ANKRD33B: variants seen among roughly 807,000 people sequenced by gnomAD.
The protein encoded by ANKRD33B is ankyrin repeat domain 33B.
Under a neutral mutation model 21.5 loss-of-function variants are expected in ANKRD33B, and 6 were observed. The ratio of observed to expected loss-of-function variants is 0.28; its 90% CI spans 0.15 to 0.55. The LOEUF is 0.55. ANKRD33B is among the 20% of genes least tolerant of loss of function. The pLI is 0.94. For synonymous variants in ANKRD33B, 347 were observed against 342.4 expected (o/e 1.01, Z -0.15); for missense variants, 698 against 747.2 (o/e 0.93, Z 0.77).
rs115414273 is a variant in ANKRD33B at position 10,582,427 on chromosome 5, T to C, written c.366+17594T>C. Among the ~76,000 whole-genome samples the C allele has an allele frequency of 8.0e-3, 1,215 of 152,306 alleles. 19 individuals are homozygous for C. The highest frequency in any genetic ancestry group is 0.027 in the African/African-American group (1,139 of 41,568). On this transcript the variant is annotated intron_variant, in intron 1 of 3. Coordinates refer to ENST00000296657, the MANE Select transcript of ANKRD33B (RefSeq NM_001164440.2). The stretch of plus-strand genomic sequence containing the variant: ...TGTCCACCATGATGGTCTCCCACAT[T>C]TCACTGGGGTCTCACTTAAGCAAGT...
chr5:10,649,514 G>T lies in ANKRD33B; in HGVS notation c.886G>T (p.Val296Leu), dbSNP rs1365510124. ...GCTGTCCGTGCTGACGCCGCGCTCC[G>T]TGCGGGGCCCGGAGGACGGGGGCGT... ...CVLSVLTPRS[V>L]RGPEDGGVLD... The change falls in exon 4 of 4, where the codon GTG (valine) becomes TTG (leucine). Residue 296 changes from valine to leucine, a missense_variant. Transcript: ENST00000296657. 1.3e-6 allele frequency: 2 copies of T among 1,534,110 alleles called. No homozygotes were observed. Among genetic ancestry groups the T allele is most frequent in the Non-Finnish European group, 1.7e-6 (2 of 1,145,786 alleles).
chr5:10,581,330 C>T lies in ANKRD33B; in HGVS notation c.366+16497C>T, dbSNP rs191796271. Among the ~76,000 whole-genome samples, 34 of 152,378 alleles carry T rather than the reference C, an allele frequency of 2.2e-4. No individual in the cohort carries two copies. The East Asian group carries it at 2.9e-3, about 13-fold the overall frequency. ...GTCTCAGATTCCCTTGGCCCCCTGC[C>T]TTTCAGCCAGGTGTCCTAGGGGAGA... is the stretch of plus-strand genomic sequence containing the variant. On this transcript the variant is annotated intron_variant, in intron 1 of 3. Coordinates refer to ENST00000296657, the MANE Select transcript of ANKRD33B (RefSeq NM_001164440.2).
rs1737334008 is a variant in ANKRD33B at position 10,650,770 on chromosome 5, TA to T, written c.*661del. On this transcript the variant is annotated 3_prime_UTR_variant, in exon 4 of 4. Transcript: ENST00000296657. Reference sequence around the variant, plus strand: ...AGGATCAGATGTTACTGTATCTTTTTAAAACTCTTATCCATATAGTAATATA... The same window carrying T: ...AGGATCAGATGTTACTGTATCTTTTTAAACTCTTATCCATATAGTAATATA... 6.6e-6 allele frequency: 1 copy of T among 152,400 alleles called. No individual in the cohort carries two copies. Among genetic ancestry groups the T allele is most frequent in the South Asian group, 2.1e-4 (1 of 4,836 alleles). The allele number at this position is 152,400 out of a possible 1,614,324, so 9.4% of individuals were successfully genotyped here.
In ANKRD33B at chr5:10,649,506, C is replaced by A. The variant is rs768074427; in HGVS notation, c.878C>A (p.Pro293Gln). ...GACTGCGTGCTGTCCGTGCTGACGC[C>A]GCGCTCCGTGCGGGGCCCGGAGGAC... ...LTDCVLSVLT[P>Q]RSVRGPEDGG... Residue 293 changes from proline (P) to glutamine (Q), a missense_variant, in exon 4 of 4, where the codon CCG becomes CAG. Pro to Gln is a moderately conservative substitution (Grantham distance 76). Around this residue, in one of 3 missense-constraint regions of ANKRD33B, gnomAD observed 543 missense variants for 566.5 expected, o/e 0.96. Coordinates refer to ENST00000296657, the MANE Select transcript of ANKRD33B (RefSeq NM_001164440.2). The A allele has an allele frequency of 2.6e-6, 4 of 1,534,484 alleles. No individual in the cohort carries two copies. In the Admixed American group the frequency reaches 5.9e-5, roughly 23 times the overall value.
chr5:10,615,436 T>A (rs1736263831), intron 1 of ANKRD33B, among the ~76,000 whole-genome samples: 1 of 152,242 alleles, frequency 6.6e-6, no homozygotes. Flanking sequence ...ACAGATCATC[T>A]GAGTATCCAA....
intron 1 of ANKRD33B, among the ~76,000 whole-genome samples, chr5:10,585,119 G>A (rs1205188223): frequency 6.6e-6 from 1 of 152,224 alleles, no homozygotes; most frequent in Non-Finnish European, 1.5e-5. Context: ...CTTGGGTAAG[G>A]AGAGCTGGAG....
intron 1 of ANKRD33B, among the ~76,000 whole-genome samples, chr5:10,612,822 A>G (rs369423093): frequency 1.4e-4 from 21 of 152,368 alleles, no homozygotes; most frequent in African/African-American, 5.1e-4. Flanking sequence ...TTACCCAGCA[A>G]ATCACACATG....
Position 10,592,073 on chromosome 5 carries a change from G to GGT in ANKRD33B, c.367-26235_367-26234dup, listed in dbSNP as rs55668434. Among the ~76,000 whole-genome samples, 71 of 150,112 alleles carry GGT rather than the reference G, an allele frequency of 4.7e-4. No homozygotes were observed. In the South Asian group the frequency reaches 5.7e-3, roughly 12 times the overall value. On this transcript the variant is annotated intron_variant, in intron 1 of 3. Coordinates refer to ENST00000296657, the MANE Select transcript of ANKRD33B (RefSeq NM_001164440.2). ...CTTTTGTATTATCTTTTGATTTTATGGTGTGTGTGTGTGTGTGTGTGTGTG... is the reference window on the plus strand; with the variant it reads ...CTTTTGTATTATCTTTTGATTTTATGGTGTGTGTGTGTGTGTGTGTGTGTGTG...
At chr5:10,647,766 T>C (rs1737221047) in intron 3 of ANKRD33B, among the ~76,000 whole-genome samples, 1 of 152,184 alleles carries the variant, frequency 6.6e-6, no homozygotes, top group Non-Finnish European at 1.5e-5. Context: ...GCCGCAGTCT[T>C]GAGGTGGAAT....
rs11748401 is a variant in ANKRD33B, at chr5:10,619,973, G to A, written c.496+1511G>A. Among the ~76,000 whole-genome samples, 35,018 of 152,082 alleles carry A rather than the reference G, an allele frequency of 0.23. 4,485 individuals are homozygous for A. The highest frequency in any genetic ancestry group is 0.45 in the East Asian group (2,299 of 5,164). The stretch of plus-strand genomic sequence containing the variant: ...TTTGAGCTGGGGCTGAGAGGGAGCC[G>A]GGCAGTTCTCAGGAATGGCGAGTCT... On this transcript the variant is annotated intron_variant, in intron 2 of 3. Coordinates refer to ENST00000296657, the MANE Select transcript of ANKRD33B (RefSeq NM_001164440.2). The surrounding 1 kb of genome is among the most constrained non-coding windows in gnomAD (Gnocchi z 4.5).
chr5:10,619,175 C>A lies in ANKRD33B; in HGVS notation c.496+713C>A. 1 of 320,354 alleles carries A rather than the reference C, an allele frequency of 3.1e-6. No homozygotes were observed. The highest frequency in any genetic ancestry group is 4.5e-6 in the Non-Finnish European group (1 of 221,952). The allele number at this position is 320,354 out of a possible 1,614,324, so 19.8% of individuals were successfully genotyped here. ...GGTCTTGACCAGGTTTATCACTGAC[C>A]CCTTTCACATTTCTTTGCCTCCAAA... On this transcript the variant is annotated intron_variant, in intron 2 of 3. Transcript: ENST00000296657. This position sits in a 1 kb window ranked among gnomAD's most constrained non-coding sequence, Gnocchi z 4.5.
At chr5:10,580,099 T>G (rs537401444) in intron 1 of ANKRD33B, among the ~76,000 whole-genome samples, 1 of 152,336 alleles carries the variant, frequency 6.6e-6, no homozygotes, top group African/African-American at 2.4e-5. Flanking sequence ...TCCCCCTATC[T>G]TGACATTTTC....
rs1490926622 is a variant in ANKRD33B at position 10,638,148 on chromosome 5, T to G, written c.617T>G (p.Ile206Ser). 1 of 1,537,402 alleles carries G rather than the reference T, an allele frequency of 6.5e-7. No individual in the cohort carries two copies. Among genetic ancestry groups the G allele is most frequent in the East Asian group, 2.4e-5 (1 of 41,052 alleles). Residue 206 changes from isoleucine to serine, a missense_variant, in exon 3 of 4, where the codon ATC becomes AGC. By Grantham distance (142) the Ile-to-Ser change is moderately radical. Coordinates refer to ENST00000296657, the MANE Select transcript of ANKRD33B (RefSeq NM_001164440.2). Reference sequence around the variant, plus strand: ...GCCATGCAGGGTCGAACGGACTGCATCCGAGCCCTGATGCTAGCAGGTATG... The same window carrying G: ...GCCATGCAGGGTCGAACGGACTGCAGCCGAGCCCTGATGCTAGCAGGTATG... ...KAAMQGRTDC[I>S]RALMLAGADV...
At chr5:10,578,820 G>C (rs1735378694) in intron 1 of ANKRD33B, among the ~76,000 whole-genome samples, 1 of 152,062 alleles carries the variant, frequency 6.6e-6, no homozygotes, top group African/African-American at 2.4e-5. Flanking sequence ...TTTAGAGATA[G>C]TGACTTACAG....
At chr5:10,592,055 A>G (rs1014336924) in intron 1 of ANKRD33B, among the ~76,000 whole-genome samples, 8 of 133,918 alleles carry the variant, frequency 6.0e-5, no homozygotes, top group African/African-American at 2.0e-4. Flanking sequence ...GTCCTTTTGT[A>G]TTATCTTTTG....
At chr5:10,583,265 G>T (rs531496066) in intron 1 of ANKRD33B, among the ~76,000 whole-genome samples, 107 of 152,304 alleles carry the variant, frequency 7.0e-4, no homozygotes, top group African/African-American at 2.4e-3. Context: ...CTCCCAAAGT[G>T]CTGGGATTAC....
At position 10,649,582 on chromosome 5, in the gene ANKRD33B, C is replaced by T. The variant is rs745676477; in HGVS notation, c.954C>T (p.Pro318=). The T allele has an allele frequency of 2.0e-6, 3 of 1,528,362 alleles. No homozygotes were observed. In the South Asian group the frequency reaches 3.6e-5, roughly 18 times the overall value. 94.7% of individuals were successfully genotyped at this position (1,528,362 alleles called of 1,614,324 possible). A position where few individuals can be genotyped will look rare whatever the true frequency, so the allele number is the denominator to read the frequency against. ...MVRMTTSLYS[P]AVAIVCQTVC... Reference sequence around the variant, plus strand: ...GGATGACCACGAGCCTCTACAGCCCCGCCGTGGCCATCGTGTGCCAGACCG... The same window carrying T: ...GGATGACCACGAGCCTCTACAGCCCTGCCGTGGCCATCGTGTGCCAGACCG... Residue 318 remains proline, a synonymous_variant, in exon 4 of 4, where the codon CCC becomes CCT. Coordinates refer to ENST00000296657, the MANE Select transcript of ANKRD33B (RefSeq NM_001164440.2).
intron 1 of ANKRD33B, among the ~76,000 whole-genome samples, chr5:10,610,032 A>G (rs771363565): frequency 1.3e-5 from 2 of 152,248 alleles, no homozygotes; most frequent in Non-Finnish European, 2.9e-5. Context: ...CAGACAGCCA[A>G]TAGATGCATG....
intron 1 of ANKRD33B, among the ~76,000 whole-genome samples, chr5:10,590,589 TGCGCGCGC>T (rs34685376): frequency 4.0e-5 from 6 of 150,418 alleles, no homozygotes; most frequent in Non-Finnish European, 5.9e-5. Flanking sequence ...TATTTTGAGA[TGCGCGCGC>T]GCGCGCGCGC....
Sources: allele counts gnomAD v4.1 joint callset (sites outside exome capture counted in the v4.1 genomes callset), GRCh38; gene constraint gnomAD v4.1.1; regional missense constraint gnomAD v4.1.1; non-coding constraint Gnocchi (gnomAD v3.1); transcripts MANE v1.5; gene names NCBI Gene and HGNC (gene_info 2026-07-23, HGNC 2026-07-21).